Variants in RIF1 observed in about 807,000 individuals in gnomAD.
The protein encoded by RIF1 is telomere-associated protein RIF1.
RIF1 carries 45 observed loss-of-function variants against 247.1 expected under a neutral mutation model. The ratio of observed to expected loss-of-function variants is 0.18; its 90% CI spans 0.14 to 0.23. The LOEUF is 0.23. RIF1 is among the 10% of genes least tolerant of loss of function. The pLI is 1.00. For synonymous variants in RIF1, 1,087 were observed against 978.8 expected (o/e 1.11, Z -2.06); for missense variants, 2,967 against 2,862.5 (o/e 1.04, Z -0.83).
chr2:151,525,872 A>T, the RIF1 span: 2 of 1,019,520 alleles, frequency 2.0e-6, no homozygotes, highest in Admixed American at 1.7e-5. Flanking sequence ...TACATAAAGG[A>T]AGCAAAAGGC....
In RIF1 at chr2:151,482,061, CTT is replaced by C. The variant is rs2049192085; in HGVS notation, c.*6993_*6994del. The stretch of plus-strand genomic sequence containing the variant: ...ATTCTATGTTTGATTCACAGTAAAA[CTT>C]TTCATGAATCATTGAGGGTTAACTG... On this transcript the variant is annotated 3_prime_UTR_variant, in exon 36 of 36. Transcript: ENST00000444746. 1 of 152,174 alleles carries C rather than the reference CTT, an allele frequency of 6.6e-6. No individual in the cohort carries two copies. Among genetic ancestry groups the C allele is most frequent in the Admixed American group, 6.5e-5 (1 of 15,274 alleles). The allele number at this position is 152,174 out of a possible 1,614,324, so 9.4% of individuals were successfully genotyped here.
rs1269487651 is a variant in RIF1, at chr2:151,446,470, A to G, written c.2139A>G (p.Arg713=). ...TTAGAACTTGGTCAGAATTATATAG[A>G]GCATTTGCTCGTTGTGCTGCTTTGG... ...TLLRTWSELY[R]AFARCAALVA... Residue 713 remains arginine, a synonymous_variant, in exon 20 of 36, where the codon AGA becomes AGG. Coordinates refer to ENST00000444746, the MANE Select transcript of RIF1 (RefSeq NM_018151.5). 2.5e-6 allele frequency: 4 copies of G among 1,613,938 alleles called. No individual in the cohort carries two copies. The highest frequency in any genetic ancestry group is 2.5e-6 in the Non-Finnish European group (3 of 1,180,012).
Position 151,479,352 on chromosome 2 carries a change from A to G in RIF1, c.*4281A>G, listed in dbSNP as rs924610992. ...GACTAAGAATTTCAAGTTATAAAGAATCTTATTGATAAGGCAAAGTAGACA... is the reference window on the plus strand; with the variant it reads ...GACTAAGAATTTCAAGTTATAAAGAGTCTTATTGATAAGGCAAAGTAGACA... On this transcript the variant is annotated 3_prime_UTR_variant, in exon 36 of 36. Coordinates refer to ENST00000444746, the MANE Select transcript of RIF1 (RefSeq NM_018151.5). 6.6e-6 allele frequency: 1 copy of G among 152,218 alleles called. No individual in the cohort carries two copies. The highest frequency in any genetic ancestry group is 2.4e-5 in the African/African-American group (1 of 41,452). The allele number at this position is 152,218 out of a possible 1,614,324, so 9.4% of individuals were successfully genotyped here. A position where few individuals can be genotyped will look rare whatever the true frequency, so the allele number is the denominator to read the frequency against.
chr2:151,530,330 T>TG, the RIF1 span, among the ~76,000 whole-genome samples: 1 of 152,188 alleles, frequency 6.6e-6, no homozygotes, highest in Admixed American at 6.5e-5. Context: ...TTTTCCATCC[T>TG]GGGCCTGGGA....
chr2:151,499,273 A>G, intron 10 of RIF1: 1 of 1,190,256 alleles, frequency 8.4e-7, no homozygotes, highest in South Asian at 1.5e-5. Context: ...TTAAATAATT[A>G]AAGGGATTTT....
chr2:151,461,025 A>C (rs558215475), intron 26 of RIF1, 113 bp from the exon 27 acceptor site: 3 of 964,722 alleles, frequency 3.1e-6, no homozygotes, highest in East Asian at 2.4e-5. Flanking sequence ...AGTATCATCA[A>C]CTTTCATAAT....
At chr2:151,524,200 C>T in the RIF1 span, 3 of 884,960 alleles carry the variant, frequency 3.4e-6, no homozygotes, top group Non-Finnish European at 5.3e-6. Context: ...CTTTGCAGTA[C>T]TATTACAGAC....
the RIF1 span, chr2:151,533,448 C>G: frequency 1.3e-6 from 2 of 1,548,964 alleles, no homozygotes; most frequent in South Asian, 1.2e-5. Context: ...TTACCTGGCT[C>G]CACATATGCG....
intron 10 of RIF1, chr2:151,498,025 T>A: frequency 6.9e-7 from 1 of 1,441,784 alleles, no homozygotes; most frequent in East Asian, 2.5e-5. Context: ...TCGGTGTTGT[T>A]ATCCACACAA....
chr2:151,471,864 G>A (rs182037778), intron 34 of RIF1, among the ~76,000 whole-genome samples: 20 of 152,116 alleles, frequency 1.3e-4, no homozygotes, highest in African/African-American at 4.1e-4. Context: ...CTCTTTTTTC[G>A]TTGCATATGA....
At chr2:151,485,508 GAAAT>G, downstream of RIF1, 1 of 342,310 alleles carries the variant, frequency 2.9e-6, no homozygotes, top group Non-Finnish European at 5.2e-6. Flanking sequence ...TTTTAGAAAA[GAAAT>G]AATGTTAAAA....
rs1686161650 is a variant in RIF1, at chr2:151,411,295, C to T, written c.140C>T (p.Thr47Ile). ...GGAGAAGAAGGAAAAGAAGTAATTA[C>T]AGAAATTGAGAAAAAACTTCCTCGG... ...MTGEEGKEVI[T>I]EIEKKLPRLY... Residue 47 changes from threonine to isoleucine, a missense_variant, in exon 3 of 36, where the codon ACA becomes ATA. By Grantham distance (89) the Thr-to-Ile change is moderately conservative. This residue lies in a region of RIF1 where 269 missense variants were observed against 288.6 expected (regional missense o/e 0.93). Coordinates refer to ENST00000444746, the MANE Select transcript of RIF1 (RefSeq NM_018151.5). 1 of 1,602,228 alleles carries T rather than the reference C, an allele frequency of 6.2e-7. No homozygotes were observed. The highest frequency in any genetic ancestry group is 1.4e-5 in the African/African-American group (1 of 74,002).
At position 151,468,752 on chromosome 2, in the gene RIF1, A is replaced by G; in HGVS notation, c.6937A>G (p.Met2313Val). ...DIILPQITSNMWARGLGQLIR... is the reference protein window; with the variant it reads ...DIILPQITSNVWARGLGQLIR... ...CATTTTACCTCAGATTACATCAAACATGTGGTAAGTGGTTATTTAGGCTTC... is the reference window on the plus strand; with the variant it reads ...CATTTTACCTCAGATTACATCAAACGTGTGGTAAGTGGTTATTTAGGCTTC... The change falls in exon 33 of 36, where the codon ATG becomes GTG. Residue 2313 changes from methionine to valine, a missense_variant. Met to Val is a conservative substitution (Grantham distance 21). Transcript: ENST00000444746. The G allele has an allele frequency of 6.2e-7, 1 of 1,602,968 alleles. No homozygotes were observed. The highest frequency in any genetic ancestry group is 1.1e-5 in the South Asian group (1 of 90,856).
In RIF1 at chr2:151,480,739, T is replaced by G. The variant is rs891691424; in HGVS notation, c.*5668T>G. ...TCTAACAATTATTTTGATACACTATTGAATAGCTAACAAGTGTCTAAAGAA... is the reference window on the plus strand; with the variant it reads ...TCTAACAATTATTTTGATACACTATGGAATAGCTAACAAGTGTCTAAAGAA... On this transcript the variant is annotated 3_prime_UTR_variant, in exon 36 of 36. Transcript: ENST00000444746. 4.6e-5 allele frequency: 7 copies of G among 152,174 alleles called. No homozygotes were observed. Among genetic ancestry groups the G allele is most frequent in the Non-Finnish European group, 8.8e-5 (6 of 68,020 alleles). 9.4% of individuals were successfully genotyped at this position (152,174 alleles called of 1,614,324 possible).
chr2:151,481,574 AAG>A lies in RIF1; in HGVS notation c.*6508_*6509del, dbSNP rs2049169304. On this transcript the variant is annotated 3_prime_UTR_variant, in exon 36 of 36. Transcript: ENST00000444746. ...TTGTCCCGATCATTTGGTAAACGCT[AAG>A]AGAGCTTAGTTTTACATTCACAAAG... 6.6e-6 allele frequency: 1 copy of A among 152,240 alleles called. No homozygotes were observed. The highest frequency in any genetic ancestry group is 2.1e-4 in the South Asian group (1 of 4,828). The allele number at this position is 152,240 out of a possible 1,614,324, so 9.4% of individuals were successfully genotyped here.
At chr2:151,418,710 A>G (rs1687634638) in intron 6 of RIF1, among the ~76,000 whole-genome samples, 1 of 152,008 alleles carries the variant, frequency 6.6e-6, no homozygotes, top group Non-Finnish European at 1.5e-5. Flanking sequence ...CCCCATCTCT[A>G]CTGAAAATAC....
chr2:151,500,591 TCC>T (rs966175057), intron 11 of RIF1, among the ~76,000 whole-genome samples: 9 of 132,406 alleles, frequency 6.8e-5, no homozygotes, highest in African/African-American at 2.3e-4. Flanking sequence ...ATTTCTTTCT[TCC>T]TTTTTTTTTT....
intron 14 of RIF1, 151 bp from the exon 15 acceptor site, chr2:151,439,876 G>A (rs1691945131): frequency 2.0e-6 from 1 of 501,424 alleles, no homozygotes; most frequent in East Asian, 3.6e-5. Flanking sequence ...AGGAAGCTGA[G>A]GCAGGAGAAT....
chr2:151,519,705 T>C, the RIF1 span: 89 of 1,613,348 alleles, frequency 5.5e-5, no homozygotes, highest in Non-Finnish European at 7.4e-5. Flanking sequence ...TAGAGCTGGC[T>C]GTCTTTTGGA....
Sources: allele counts gnomAD v4.1 joint callset (sites outside exome capture counted in the v4.1 genomes callset), GRCh38; gene constraint gnomAD v4.1.1; regional missense constraint gnomAD v4.1.1; transcripts MANE v1.5; gene names NCBI Gene and HGNC (gene_info 2026-07-23, HGNC 2026-07-21).